ADAMTS16: variants seen among roughly 807,000 people sequenced by gnomAD.
ADAMTS16 encodes ADAM metallopeptidase with thrombospondin type 1 motif 16.
A neutral mutation model predicts 145.8 loss-of-function variants in ADAMTS16; 94 were observed. That is an observed-to-expected ratio of 0.64 (90% CI 0.55 to 0.77). The LOEUF is 0.77. ADAMTS16 is among the 30% of genes least tolerant of loss of function. ADAMTS16 has a pLI of 0.00. For synonymous variants in ADAMTS16, 659 were observed against 604.3 expected (o/e 1.09, Z -1.33); for missense variants, 1,585 against 1,591.5 (o/e 1.00, Z 0.07).
chr5:5,152,297 C>T (rs1052418427), intron 3 of ADAMTS16, among the ~76,000 whole-genome samples: 4 of 152,202 alleles, frequency 2.6e-5, no homozygotes, highest in East Asian at 3.9e-4. Flanking sequence ...ATGAGCAGAG[C>T]TCCGGTGGGG....
intron 21 of ADAMTS16, among the ~76,000 whole-genome samples, chr5:5,308,636 C>G (rs559903595): frequency 1.3e-5 from 2 of 152,120 alleles, no homozygotes; most frequent in Admixed American, 6.5e-5. Flanking sequence ...TTGTGGGCCC[C>G]GAGCCTAGTA....
At chr5:5,208,539 G>A (rs1235435101) in intron 9 of ADAMTS16, among the ~76,000 whole-genome samples, 1 of 152,104 alleles carries the variant, frequency 6.6e-6, no homozygotes, top group Non-Finnish European at 1.5e-5. Flanking sequence ...TGCTTGACTT[G>A]GGGGTCATCA....
At chr5:5,174,571 A>G (rs1735137496) in intron 3 of ADAMTS16, among the ~76,000 whole-genome samples, 1 of 152,098 alleles carries the variant, frequency 6.6e-6, no homozygotes, top group Non-Finnish European at 1.5e-5. Flanking sequence ...CTTTAGGTCC[A>G]ATAACTCTTA....
intron 17 of ADAMTS16, among the ~76,000 whole-genome samples, chr5:5,247,124 A>T (rs1180101888): frequency 6.6e-6 from 1 of 152,148 alleles, no homozygotes; most frequent in Non-Finnish European, 1.5e-5. Context: ...ACTGCTTCAA[A>T]TGAGATCTTC....
At chr5:5,305,723 TG>T (rs1163689235) in intron 20 of ADAMTS16, among the ~76,000 whole-genome samples, 1 of 152,192 alleles carries the variant, frequency 6.6e-6, no homozygotes, top group Non-Finnish European at 1.5e-5. Flanking sequence ...GCTCCTCTGC[TG>T]GGGAACCTGG....
At chr5:5,161,542 G>C (rs190333562) in intron 3 of ADAMTS16, among the ~76,000 whole-genome samples, 4 of 152,182 alleles carry the variant, frequency 2.6e-5, no homozygotes, top group Admixed American at 6.6e-5. Context: ...CAGTAGATAC[G>C]TAGATGTGTC....
chr5:5,283,644 G>A (rs939451128), intron 18 of ADAMTS16, among the ~76,000 whole-genome samples: 3 of 152,334 alleles, frequency 2.0e-5, no homozygotes, highest in East Asian at 1.9e-4. Flanking sequence ...GAGTCACAGA[G>A]GATGCTGAGT....
intron 21 of ADAMTS16, among the ~76,000 whole-genome samples, chr5:5,313,253 CTG>C (rs1477816560): frequency 6.6e-6 from 1 of 152,210 alleles, no homozygotes; most frequent in Non-Finnish European, 1.5e-5. Context: ...TGCCTTCACA[CTG>C]TGGGAAATTG....
intron 18 of ADAMTS16, among the ~76,000 whole-genome samples, chr5:5,270,411 T>TC (rs1738418827): frequency 6.6e-6 from 1 of 152,138 alleles, no homozygotes; most frequent in African/African-American, 2.4e-5. Flanking sequence ...GACCCTGCCT[T>TC]CCCCACTTCG....
chr5:5,210,377 G>A (rs1483766916), intron 10 of ADAMTS16, among the ~76,000 whole-genome samples: 4 of 152,178 alleles, frequency 2.6e-5, no homozygotes, highest in Non-Finnish European at 5.9e-5. Flanking sequence ...TGAAAAGTTA[G>A]ATGCAAGGTG....
Position 5,186,061 on chromosome 5 carries a change from A to G in ADAMTS16, c.773A>G (p.Gln258Arg). 6.2e-7 allele frequency: 1 copy of G among 1,612,928 alleles called. No homozygotes were observed. Among genetic ancestry groups the G allele is most frequent in the Non-Finnish European group, 8.5e-7 (1 of 1,179,742 alleles). The change falls in exon 5 of 23, where the codon CAG (glutamine) becomes CGG (arginine). Residue 258 changes from glutamine to arginine, a missense_variant. Physicochemically the swap from Gln to Arg is conservative, Grantham distance 43 (BLOSUM62 1). Coordinates refer to ENST00000274181, the MANE Select transcript of ADAMTS16 (RefSeq NM_139056.4). ...ATGTGTCCCTCCATAGACATGCCCC[A>G]GCCTCCCAAGGAAGACCTCTTCATC... ...FCGRRKKYMP[Q>R]PPKEDLFILP...
chr5:5,204,930 G>A (rs887402286), intron 9 of ADAMTS16, among the ~76,000 whole-genome samples: 6 of 152,090 alleles, frequency 3.9e-5, no homozygotes, highest in South Asian at 4.2e-4. Flanking sequence ...ACTTGGTCAC[G>A]TTGATATTTT....
intron 9 of ADAMTS16, among the ~76,000 whole-genome samples, chr5:5,206,367 A>G (rs1432182771): frequency 2.3e-4 from 25 of 107,992 alleles, no homozygotes; most frequent in Non-Finnish European, 3.3e-4. Context: ...CGGAGCTTGC[A>G]GTGAGCCGAG....
At chr5:5,191,070 A>C (rs11134096) in intron 7 of ADAMTS16, among the ~76,000 whole-genome samples, 24,022 of 152,170 alleles carry the variant, frequency 0.16, 2,092 homozygotes, top group Middle Eastern at 0.21. Context: ...GCCACGACTC[A>C]TTGCTGGGGA....
chr5:5,293,721 A>T (rs985823623), intron 18 of ADAMTS16, among the ~76,000 whole-genome samples: 4 of 152,252 alleles, frequency 2.6e-5, no homozygotes, highest in Non-Finnish European at 5.9e-5. Context: ...CAGGGGCCAC[A>T]TATAGGGCAA....
At position 5,239,062 on chromosome 5, in the gene ADAMTS16, GGGA is replaced by G; in HGVS notation, c.2155-83_2155-81del. On this transcript the variant is annotated intron_variant, in intron 14 of 22. Coordinates refer to ENST00000274181, the MANE Select transcript of ADAMTS16 (RefSeq NM_139056.4). ...GTTGGTGAAATTTTCAACTCTAGTG[GGGA>G]GGAGGTTTCTTGCATGAGATTGGTG... 5.9e-6 allele frequency: 8 copies of G among 1,350,148 alleles called. No homozygotes were observed. In the South Asian group the frequency reaches 1.1e-4, roughly 19 times the overall value. 83.6% of individuals were successfully genotyped at this position (1,350,148 alleles called of 1,614,324 possible). A position where few individuals can be genotyped will look rare whatever the true frequency, so the allele number is the denominator to read the frequency against.
Position 5,276,099 on chromosome 5 carries a change from TCCAC to T in ADAMTS16, c.2789+13320_2789+13323del, listed in dbSNP as rs1217744181. ...GTCTTGAACTCCTGACCTCAGGTGA[TCCAC>T]CCATCTTGGCCTCCCAAACTGCTGG... On this transcript the variant is annotated intron_variant, in intron 18 of 22. Transcript: ENST00000274181. Among the ~76,000 whole-genome samples, 4 of 151,254 alleles carry T rather than the reference TCCAC, an allele frequency of 2.6e-5. No individual in the cohort carries two copies. In the East Asian group the frequency reaches 5.8e-4, roughly 22 times the overall value.
rs145904369 is a variant in ADAMTS16, at chr5:5,315,677, G to T, written c.3412-2457G>T. Among the ~76,000 whole-genome samples the T allele has an allele frequency of 1.3e-3, 204 of 152,274 alleles. 1 individual carries two copies. The Middle Eastern group carries it at 0.017, about 13-fold the overall frequency. ...CTCGGCGCACTGTGTGAGCTAAGAG[G>T]GTGTCTGGAATGCAGACAGCAGAGA... On this transcript the variant is annotated intron_variant, in intron 21 of 22. Transcript: ENST00000274181.
chr5:5,205,309 GA>G (rs1245535691), intron 9 of ADAMTS16, among the ~76,000 whole-genome samples: 1 of 146,092 alleles, frequency 6.8e-6, no homozygotes, highest in Admixed American at 6.8e-5. Context: ...TACACTGCTG[GA>G]AAAAAAGAAA....
Sources: allele counts gnomAD v4.1 joint callset (sites outside exome capture counted in the v4.1 genomes callset), GRCh38; gene constraint gnomAD v4.1.1; transcripts MANE v1.5; gene names NCBI Gene and HGNC (gene_info 2026-07-23, HGNC 2026-07-21).